Variants in OSBPL10 observed in about 807,000 individuals in gnomAD.
The protein encoded by OSBPL10 is oxysterol-binding protein-related protein 10.
Under a neutral mutation model 81.7 loss-of-function variants are expected in OSBPL10, and 49 were observed. That is an observed-to-expected ratio of 0.60 (90% CI 0.48 to 0.76). OSBPL10 has a LOEUF of 0.76. Ranked by LOEUF, OSBPL10 falls within the 30% of genes least tolerant of loss-of-function variation. The probability of loss-of-function intolerance (pLI) is 0.00; values close to 1 mark genes in which losing one functional copy is unlikely to be tolerated. For missense variants in OSBPL10, 923 were observed against 987.8 expected (o/e 0.93, Z 0.88); for synonymous variants, 419 against 383.6 (o/e 1.09, Z -1.08).
Position 31,872,974 on chromosome 3 carries a change from T to C in OSBPL10, c.537+3459A>G, listed in dbSNP as rs540881191. ...AAGTCTGTTGTGAAAGGCCATATAA[T>C]TCTACCTATAGAACATTCTAGAAAA... On this transcript the variant is annotated intron_variant, in intron 3 of 11. Transcript: ENST00000396556. Among the ~76,000 whole-genome samples the C allele has an allele frequency of 8.5e-5, 13 of 152,236 alleles. No homozygotes were observed. The South Asian group carries it at 2.5e-3, about 29-fold the overall frequency.
intron 2 of OSBPL10, among the ~76,000 whole-genome samples, chr3:32,025,680 T>G (rs1467951701): frequency 6.6e-6 from 1 of 152,228 alleles, no homozygotes. Flanking sequence ...TGTAGGTCTA[T>G]CAAGCTTTTC....
chr3:31,836,494 TCCC>T (rs1225821433), intron 3 of OSBPL10, among the ~76,000 whole-genome samples: 1 of 151,710 alleles, frequency 6.6e-6, no homozygotes, highest in Non-Finnish European at 1.5e-5. Context: ...TGCGCTTTTT[TCCC>T]CCATCATTTT....
intron 1 of OSBPL10, among the ~76,000 whole-genome samples, chr3:31,917,660 G>T (rs578140008): frequency 4.7e-5 from 7 of 148,240 alleles, no homozygotes; most frequent in Admixed American, 2.8e-4. Context: ...GAGCACCTTG[G>T]AAGGTACAAA....
At chr3:31,816,898 G>GAATA (rs1291283393) in intron 4 of OSBPL10, among the ~76,000 whole-genome samples, 1 of 152,194 alleles carries the variant, frequency 6.6e-6, no homozygotes, top group East Asian at 1.9e-4. Flanking sequence ...TCAGCAGAGA[G>GAATA]AATAGCTCCT....
At chr3:31,720,126 T>A (rs1696587472) in intron 6 of OSBPL10, among the ~76,000 whole-genome samples, 1 of 151,482 alleles carries the variant, frequency 6.6e-6, no homozygotes, top group Non-Finnish European at 1.5e-5. Flanking sequence ...AGACACACAG[T>A]AGCTCCTTCT....
intron 1 of OSBPL10, among the ~76,000 whole-genome samples, chr3:31,961,837 C>G (rs1698172837): frequency 6.6e-6 from 1 of 151,340 alleles, no homozygotes; most frequent in Admixed American, 6.6e-5. Context: ...TAAAGGTTCC[C>G]TTTCAAGATA....
At chr3:31,690,647 G>GT (rs1695508239) in intron 7 of OSBPL10, among the ~76,000 whole-genome samples, 1 of 152,228 alleles carries the variant, frequency 6.6e-6, no homozygotes, top group African/African-American at 2.4e-5. Context: ...AACCTACTAG[G>GT]TATGTATTCT....
At chr3:31,986,902 G>A (rs944875733) in intron 2 of OSBPL10, among the ~76,000 whole-genome samples, 7 of 152,086 alleles carry the variant, frequency 4.6e-5, no homozygotes, top group African/African-American at 1.7e-4. Context: ...AGCTACTCAG[G>A]AGGCTGAGCC....
intron 4 of OSBPL10, among the ~76,000 whole-genome samples, chr3:31,783,111 T>TTTTATATA (rs1048319563): frequency 5.8e-5 from 7 of 121,660 alleles, no homozygotes; most frequent in African/African-American, 1.1e-4. Context: ...AATATATCTA[T>TTTTATATA]TATATATATA....
chr3:31,937,810 T>C (rs1471206264), intron 1 of OSBPL10, among the ~76,000 whole-genome samples: 1 of 152,134 alleles, frequency 6.6e-6, no homozygotes, highest in African/African-American at 2.4e-5. Flanking sequence ...ACTCCTCCAC[T>C]CTTGGGTAAA....
intron 1 of OSBPL10, among the ~76,000 whole-genome samples, chr3:32,076,544 CCT>C (rs1699879308): frequency 6.6e-6 from 1 of 152,068 alleles, no homozygotes; most frequent in South Asian, 2.1e-4. Context: ...GGATCCTTTC[CCT>C]GTTCGCCTGA....
chr3:32,043,390 G>A (rs928068407), intron 2 of OSBPL10, among the ~76,000 whole-genome samples: 20 of 152,062 alleles, frequency 1.3e-4, no homozygotes, highest in African/African-American at 2.4e-4. Context: ...CACTGATTTC[G>A]TATTGTTCAA....
intron 2 of OSBPL10, among the ~76,000 whole-genome samples, chr3:32,044,416 A>T (rs1399747626): frequency 1.3e-5 from 2 of 149,298 alleles, no homozygotes; most frequent in African/African-American, 2.4e-5. Context: ...ATTTAAAAAA[A>T]TTTTAATGGC....
chr3:31,765,164 T>G (rs1698157260), intron 4 of OSBPL10, among the ~76,000 whole-genome samples: 1 of 152,064 alleles, frequency 6.6e-6, no homozygotes, highest in African/African-American at 2.4e-5. Flanking sequence ...ATTACAGGCA[T>G]GTGCCACCAT....
intron 4 of OSBPL10, among the ~76,000 whole-genome samples, chr3:31,819,371 A>C (rs1699926530): frequency 6.6e-6 from 1 of 152,240 alleles, no homozygotes; most frequent in African/African-American, 2.4e-5. Flanking sequence ...TCTATCATTC[A>C]TCAAGGTAAG....
intron 5 of OSBPL10, among the ~76,000 whole-genome samples, chr3:31,737,149 T>G (rs1429887559): frequency 6.6e-6 from 1 of 152,106 alleles, no homozygotes; most frequent in African/African-American, 2.4e-5. Flanking sequence ...AACACAACTT[T>G]CTGTGGACCC....
At chr3:31,872,455 T>TTG (rs1701354882) in intron 3 of OSBPL10, among the ~76,000 whole-genome samples, 1 of 149,042 alleles carries the variant, frequency 6.7e-6, no homozygotes, top group African/African-American at 2.5e-5. Flanking sequence ...TGTTGTTGTT[T>TTG]TTTTTTTTTT....
intron 6 of OSBPL10, chr3:31,708,659 C>A (rs1422458371): frequency 1.1e-6 from 1 of 910,992 alleles, no homozygotes; most frequent in African/African-American, 1.8e-5. Context: ...CCTGAGGACA[C>A]AGAGATAGAA....
intron 1 of OSBPL10, among the ~76,000 whole-genome samples, chr3:31,972,325 G>T (rs1486341169): frequency 6.6e-6 from 1 of 152,226 alleles, no homozygotes; most frequent in African/African-American, 2.4e-5. Flanking sequence ...GGAGGTGGAA[G>T]TTGCAGTGAG....
Sources: allele counts gnomAD v4.1 joint callset (sites outside exome capture counted in the v4.1 genomes callset), GRCh38; gene constraint gnomAD v4.1.1; transcripts MANE v1.5; gene names NCBI Gene and HGNC (gene_info 2026-07-23, HGNC 2026-07-21).